The following SYNE2 variants were observed in gnomAD, a reference collection of about 807,000 sequenced individuals.
SYNE2 encodes nesprin-2.
Under a neutral mutation model 856.3 loss-of-function variants are expected in SYNE2, and 431 were observed. The observed-to-expected ratio is 0.50, with a 90% CI of 0.47 to 0.55. SYNE2 has a LOEUF of 0.55. Among genes scored for constraint, SYNE2 ranks in the 20% least tolerant of loss-of-function variants. The pLI is 0.00. For synonymous variants in SYNE2, 2,923 were observed against 2,872.3 expected, an observed-to-expected ratio of 1.02 and a Z score of -0.56; for missense variants, 8,129 against 8,023.2, an observed-to-expected ratio of 1.01 and a Z score of -0.50.
Position 64,052,527 on chromosome 14 carries a change from C to T in SYNE2, c.8614C>T (p.His2872Tyr), listed in dbSNP as rs374285373. 3 of 1,613,978 alleles carry T rather than the reference C, an allele frequency of 1.9e-6. No homozygotes were observed. The highest frequency in any genetic ancestry group is 1.3e-5 in the African/African-American group (1 of 74,910). ...AGCTGCCACGGAAGCTGAACTAAAA[C>T]ATCACCATGTTACTTTGGAGGCATC... is the stretch of plus-strand genomic sequence containing the variant. Reference protein sequence around the residue: ...ETAATEAELKHHHVTLEASQK... With the variant: ...ETAATEAELKYHHVTLEASQK... The change falls in exon 48 of 116, where the codon CAT (histidine) becomes TAT (tyrosine). Residue 2872 changes from histidine (H) to tyrosine (Y), a missense_variant. Physicochemically the swap from His to Tyr is moderately conservative, Grantham distance 83. Around this residue, in one of 3 missense-constraint regions of SYNE2, gnomAD observed 5,410 missense variants for 5,284.8 expected, o/e 1.02. Coordinates refer to ENST00000555002, the MANE Select transcript of SYNE2 (RefSeq NM_182914.3).
At chr14:63,940,967 T>C (rs1031852704) in intron 3 of SYNE2, among the ~76,000 whole-genome samples, 3 of 152,240 alleles carry the variant, frequency 2.0e-5, no homozygotes, top group Admixed American at 6.5e-5. Context: ...AATACTGATT[T>C]GCATATAATA....
intron 1 of SYNE2, among the ~76,000 whole-genome samples, chr14:63,903,811 CT>C (rs35370942): frequency 8.5e-4 from 124 of 145,816 alleles, no homozygotes; most frequent in Middle Eastern, 3.5e-3. Flanking sequence ...AATGGCCATT[CT>C]TTTTTTTTTT....
chr14:64,019,558 G>A (rs879514080), intron 34 of SYNE2, among the ~76,000 whole-genome samples: 8 of 152,148 alleles, frequency 5.3e-5, no homozygotes, highest in Non-Finnish European at 1.0e-4. Flanking sequence ...CTTTAAATTT[G>A]TCTTGGATTA....
chr14:63,796,509 A>G (rs989581875), intron 1 of SYNE2, among the ~76,000 whole-genome samples: 2 of 152,124 alleles, frequency 1.3e-5, no homozygotes, highest in African/African-American at 4.8e-5. Flanking sequence ...AAGAAGAATC[A>G]TTCAGAATCT....
intron 53 of SYNE2, chr14:64,075,591 T>G: frequency 4.1e-6 from 1 of 244,228 alleles, no homozygotes; most frequent in Non-Finnish European, 7.9e-6. Context: ...AAAAACTTCT[T>G]TGAAACTTTT....
rs780311881 is a variant in SYNE2 at position 63,961,256 on chromosome 14, T to C, written c.788-269T>C. 2.6e-5 allele frequency among the ~76,000 whole-genome samples: 4 copies of C among 152,234 alleles called. No individual in the cohort carries two copies. The East Asian group carries it at 7.7e-4, about 29-fold the overall frequency. On this transcript the variant is annotated intron_variant, in intron 8 of 115. Transcript: ENST00000555002. ...TACTTATGCCTTCAGACATACCCCA[T>C]AGTGATACTTTATTATTAGAAAACG...
At chr14:63,784,952 T>TG (rs1887458709) in intron 1 of SYNE2, among the ~76,000 whole-genome samples, 6 of 90,028 alleles carry the variant, frequency 6.7e-5, no homozygotes, top group Admixed American at 1.3e-4. Flanking sequence ...TGTTATTTTT[T>TG]TGGGGGGGTG....
chr14:64,090,735 A>C, intron 59 of SYNE2, 131 bp from the exon 60 acceptor site: 1 of 835,482 alleles, frequency 1.2e-6, no homozygotes, highest in East Asian at 2.7e-5. Context: ...AGTTCTTTTC[A>C]ATCTGAGCTA....
intron 46 of SYNE2, chr14:64,048,375 A>AT: frequency 2.7e-6 from 1 of 370,186 alleles, no homozygotes. Context: ...TCTTCTTTCT[A>AT]TTTCACAAAG....
intron 70 of SYNE2, among the ~76,000 whole-genome samples, chr14:64,123,125 CTA>C (rs2097911061): frequency 6.6e-6 from 1 of 151,698 alleles, no homozygotes; most frequent in South Asian, 2.1e-4. Context: ...ACTTTAAAAA[CTA>C]TACAGCGCTA....
In SYNE2 at chr14:63,998,294, G is replaced by T; in HGVS notation, c.3319G>T (p.Asp1107Tyr). ...PLQEESIMEK[D>Y]YSASINSLLE... ...GCAAGAAGAAAGCATTATGGAAAAG[G>T]ATTACAGTGCATCTATAAATAGTTT... The change falls in exon 26 of 116, where the codon GAT becomes TAT. Residue 1107 changes from aspartate to tyrosine, a missense_variant. Asp to Tyr is a radical substitution (Grantham distance 160). Transcript: ENST00000555002. 2 of 1,613,640 alleles carry T rather than the reference G, an allele frequency of 1.2e-6. No individual in the cohort carries two copies. Among genetic ancestry groups the T allele is most frequent in the Non-Finnish European group, 1.7e-6 (2 of 1,179,582 alleles).
chr14:64,007,293 T>G (rs1053838641), intron 31 of SYNE2, 71 bp downstream of exon 31: 23 of 1,467,080 alleles, frequency 1.6e-5, no homozygotes, highest in Non-Finnish European at 2.1e-5. Context: ...TTCAAACTTC[T>G]GGGTTGAAAA....
At chr14:63,990,619 G>T (rs371697148) in intron 20 of SYNE2, 50 bp downstream of exon 20, 3 of 1,557,764 alleles carry the variant, frequency 1.9e-6, no homozygotes, top group South Asian at 2.2e-5. Flanking sequence ...TAAAACTGAG[G>T]GGTCACTGAG....
In SYNE2 at chr14:64,214,261, C is replaced by T. The variant is rs762977026; in HGVS notation, c.19124C>T (p.Thr6375Ile). Residue 6375 changes from threonine (T) to isoleucine (I), a missense_variant, in exon 106 of 116, where the codon ACT becomes ATT. Physicochemically the swap from Thr to Ile is moderately conservative, Grantham distance 89. Around this residue, in one of 3 missense-constraint regions of SYNE2, gnomAD observed 5,410 missense variants for 5,284.8 expected, o/e 1.02. Transcript: ENST00000555002. ...TDMEDPREIQ[T>I]DSWRKRGESE... is the part of the protein sequence containing the mutation. ...ATGGAAGACCCCAGAGAAATCCAGA[C>T]TGATTCTTGGCGTAAACGGGGAGAG... is the stretch of plus-strand genomic sequence containing the variant. 1.2e-6 allele frequency: 2 copies of T among 1,614,072 alleles called. No homozygotes were observed. Among genetic ancestry groups the T allele is most frequent in the South Asian group, 1.1e-5 (1 of 91,066 alleles).
chr14:64,139,812 T>C, intron 79 of SYNE2, 129 bp from the exon 80 acceptor site: 1 of 927,104 alleles, frequency 1.1e-6, no homozygotes, highest in Admixed American at 1.8e-5. Flanking sequence ...ATTAACGTCA[T>C]GATATTCTGA....
chr14:64,043,501 A>G (rs1489537429), intron 45 of SYNE2, among the ~76,000 whole-genome samples: 2 of 150,456 alleles, frequency 1.3e-5, no homozygotes, highest in South Asian at 4.2e-4. Context: ...GCCTATGTAA[A>G]AAAAAAAAAT....
At chr14:63,885,406 G>A (rs904990992) in intron 1 of SYNE2, among the ~76,000 whole-genome samples, 5 of 152,118 alleles carry the variant, frequency 3.3e-5, no homozygotes, top group African/African-American at 7.2e-5. Flanking sequence ...TTCCAGGTGG[G>A]GAGCACAGGC....
At chr14:63,924,571 C>T (rs1157811014) in intron 2 of SYNE2, among the ~76,000 whole-genome samples, 1 of 152,082 alleles carries the variant, frequency 6.6e-6, no homozygotes, top group Non-Finnish European at 1.5e-5. Context: ...ATAAGTCTTG[C>T]AGTTCTTTTG....
At chr14:64,128,747 G>A (rs924711546) in intron 74 of SYNE2, among the ~76,000 whole-genome samples, 194 bp downstream of exon 74, 14 of 152,256 alleles carry the variant, frequency 9.2e-5, no homozygotes, top group Middle Eastern at 3.4e-3. Flanking sequence ...TAAAACAAAA[G>A]GAGGCCATTT....
Sources: gnomAD v4.1 joint callset for allele counts (sites outside exome capture counted in the v4.1 genomes callset) on GRCh38, gnomAD v4.1.1 for gene constraint, gnomAD v4.1.1 regional missense constraint, MANE v1.5 for transcripts, NCBI Gene and HGNC (gene_info 2026-07-23, HGNC 2026-07-21) for gene names.